The following AP1G1 variants were observed in gnomAD, a reference collection of about 807,000 sequenced individuals.
AP1G1 encodes the protein adaptor related protein complex 1 subunit gamma 1.
Under a neutral mutation model 108.3 loss-of-function variants are expected in AP1G1, and 7 were observed. That is an observed-to-expected ratio of 0.06 (90% CI 0.04 to 0.12). The LOEUF (loss-of-function observed/expected upper bound fraction) is 0.12. Ranked by LOEUF, AP1G1 falls within the 10% of genes least tolerant of loss-of-function variation. The pLI is 1.00. For missense variants in AP1G1, 756 were observed against 1,010.7 expected, an observed-to-expected ratio of 0.75 and a Z score of 3.42; for synonymous variants, 379 against 353.5, an observed-to-expected ratio of 1.07 and a Z score of -0.81.
chr16:71,741,655 C>T (rs1245814725), intron 19 of AP1G1, among the ~76,000 whole-genome samples: 2 of 152,008 alleles, frequency 1.3e-5, no homozygotes, highest in South Asian at 2.1e-4. Flanking sequence ...TAAGCAAGCA[C>T]GAGAAGCTAA....
rs138401541 is a variant in AP1G1 at position 71,758,576 on chromosome 16, A to G, written c.1088+232T>C. 1.8e-4 allele frequency: 108 copies of G among 607,090 alleles called. No homozygotes were observed. In the East Asian group the frequency reaches 3.3e-3, roughly 19 times the overall value. The allele number at this position is 607,090 out of a possible 1,614,324, so 37.6% of individuals were successfully genotyped here. ...AGAGCCAAGGACAACTTCAGTGTGCACTTAAGTATTCTTATTGGCCTCCTT... is the reference window on the plus strand; with the variant it reads ...AGAGCCAAGGACAACTTCAGTGTGCGCTTAAGTATTCTTATTGGCCTCCTT... On this transcript the variant is annotated intron_variant, in intron 11 of 22. Coordinates refer to ENST00000299980, the MANE Select transcript of AP1G1 (RefSeq NM_001128.6).
At chr16:71,745,766 T>C (rs2030140648) in intron 17 of AP1G1, 152 bp from the exon 18 acceptor site, 9 of 725,390 alleles carry the variant, frequency 1.2e-5, no homozygotes, top group Non-Finnish European at 2.1e-5. Context: ...ATTACAAGAA[T>C]ACATGACCTA....
intron 21 of AP1G1, among the ~76,000 whole-genome samples, chr16:71,737,855 C>A (rs1305473015): frequency 6.6e-6 from 1 of 152,256 alleles, no homozygotes; most frequent in African/African-American, 2.4e-5. Context: ...CGCCCAACAT[C>A]TGATTTTGCA....
chr16:71,762,555 A>G (rs1298579254), intron 9 of AP1G1, among the ~76,000 whole-genome samples: 1 of 152,152 alleles, frequency 6.6e-6, no homozygotes, highest in Non-Finnish European at 1.5e-5. Flanking sequence ...CCGATGATTT[A>G]ATCAATCATG....
intron 9 of AP1G1, 55 bp downstream of exon 9, chr16:71,764,295 C>T: frequency 1.9e-6 from 2 of 1,077,716 alleles, no homozygotes; most frequent in Middle Eastern, 5.1e-4. Context: ...AAGTCCAAGT[C>T]AACCATTCTA....
chr16:71,786,758 C>T (rs2032218892), intron 2 of AP1G1, among the ~76,000 whole-genome samples: 1 of 152,036 alleles, frequency 6.6e-6, no homozygotes, highest in African/African-American at 2.4e-5. Flanking sequence ...CGCACCCAGC[C>T]CAAATTTTTT....
At chr16:71,739,190 T>C (rs781081138) in intron 20 of AP1G1, 44 bp downstream of exon 20, 2 of 1,608,018 alleles carry the variant, frequency 1.2e-6, no homozygotes, top group South Asian at 2.2e-5. Flanking sequence ...CCACATCTCA[T>C]TACTCAGTGC....
intron 16 of AP1G1, 125 bp from the exon 17 acceptor site, chr16:71,746,817 TA>T (rs1391904131): frequency 6.1e-6 from 4 of 658,016 alleles, no homozygotes; most frequent in Non-Finnish European, 1.0e-5. Flanking sequence ...TCTTAATTTA[TA>T]TAGTTTTTCA....
chr16:71,737,477 G>A (rs1391878715), intron 21 of AP1G1, among the ~76,000 whole-genome samples: 2 of 152,102 alleles, frequency 1.3e-5, no homozygotes, highest in Non-Finnish European at 2.9e-5. Flanking sequence ...TAAAGATGGT[G>A]TTTCACCATG....
chr16:71,741,061 A>G (rs1345462261), intron 19 of AP1G1, among the ~76,000 whole-genome samples: 2 of 152,236 alleles, frequency 1.3e-5, no homozygotes, highest in African/African-American at 4.8e-5. Flanking sequence ...TAATTCATAG[A>G]ACATGAGGGA....
rs2030495575 is a variant in AP1G1 at position 71,751,421 on chromosome 16, GTAAGAC to G, written c.1285-1095_1285-1090del. On this transcript the variant is annotated intron_variant, in intron 13 of 22. Transcript: ENST00000299980. ...CTAAATAGAACAATAGATTTAATTTGTAAGACTGAGACCAGTCCTAACCATGTGTAT... is the reference window on the plus strand; with the variant it reads ...CTAAATAGAACAATAGATTTAATTTGTGAGACCAGTCCTAACCATGTGTAT... 2.1e-5 allele frequency: 3 copies of G among 146,038 alleles called. No homozygotes were observed. The Admixed American group carries it at 2.1e-4, about 10-fold the overall frequency. The allele number at this position is 146,038 out of a possible 1,614,324, so 9.0% of individuals were successfully genotyped here.
At chr16:71,774,713 A>G in intron 2 of AP1G1, 121 bp from the exon 3 acceptor site, 1 of 1,070,680 alleles carries the variant, frequency 9.3e-7, no homozygotes, top group Non-Finnish European at 1.3e-6. Context: ...GTTTCATCAA[A>G]CTACCTAAAT....
chr16:71,750,245 G>T lies in AP1G1; in HGVS notation c.1372C>A (p.Arg458Ser). The change falls in exon 14 of 23, where the codon CGC (arginine) becomes AGC (serine). Residue 458 changes from arginine to serine, a missense_variant. By Grantham distance (110) the Arg-to-Ser change is moderately radical. This residue lies in a region of AP1G1 where 357 missense variants were observed against 366.5 expected (regional missense o/e 0.97). Coordinates refer to ENST00000299980, the MANE Select transcript of AP1G1 (RefSeq NM_001128.6). ...TCACCAAGAATTGCTTTGTACAGGC[G>T]CTGGACAGTATAGGCATGCATCTCC... is the stretch of plus-strand genomic sequence containing the variant. ...SVEMHAYTVQ[R>S]LYKAILGDYS... 2.5e-6 allele frequency: 4 copies of T among 1,613,956 alleles called. No homozygotes were observed. Among genetic ancestry groups the T allele is most frequent in the Non-Finnish European group, 3.4e-6 (4 of 1,179,954 alleles).
chr16:71,736,098 CAAAAAA>C (rs1213680207), intron 21 of AP1G1, among the ~76,000 whole-genome samples: 328 of 25,394 alleles, frequency 0.013, 5 homozygotes, highest in South Asian at 0.016. Flanking sequence ...GACTCCATCT[CAAAAAA>C]AAAAAAAAAA....
chr16:71,764,742 T>C lies in AP1G1; in HGVS notation c.739-16A>G, dbSNP rs765511702. The C allele has an allele frequency of 1.3e-6, 2 of 1,558,926 alleles. No individual in the cohort carries two copies. Among genetic ancestry groups the C allele is most frequent in the Non-Finnish European group, 1.8e-6 (2 of 1,141,258 alleles). ...AAATTCGTACCTAACGTGCAAAAGA[T>C]GAGAGGTGTCAACAAATTATGTCTC... On this transcript the variant is annotated splice_polypyrimidine_tract_variant and intron_variant, in intron 7 of 22. Transcript: ENST00000299980.
intron 6 of AP1G1, among the ~76,000 whole-genome samples, chr16:71,766,095 C>T (rs548518231): frequency 1.1e-3 from 173 of 152,180 alleles, no homozygotes; most frequent in African/African-American, 3.9e-3. Context: ...GAGTTATACC[C>T]TTTTCCAACA....
chr16:71,767,382 A>G (rs1283353338), intron 6 of AP1G1, among the ~76,000 whole-genome samples: 1 of 152,252 alleles, frequency 6.6e-6, no homozygotes. Context: ...TCCTTTTAAT[A>G]TTCCAAAACT....
intron 1 of AP1G1, chr16:71,806,680 A>G: frequency 7.8e-7 from 1 of 1,285,816 alleles, no homozygotes; most frequent in Admixed American, 2.3e-5. Flanking sequence ...GCGAGGGCAT[A>G]CTTACTAAAT....
At chr16:71,761,816 CAAAAAAA>C (rs375647068) in intron 9 of AP1G1, among the ~76,000 whole-genome samples, 81 of 44,852 alleles carry the variant, frequency 1.8e-3, no homozygotes, top group African/African-American at 5.0e-3. Context: ...GACTCCATCT[CAAAAAAA>C]AAAAAAAAAA....
Sources: allele counts gnomAD v4.1 joint callset (sites outside exome capture counted in the v4.1 genomes callset), GRCh38; gene constraint gnomAD v4.1.1; regional missense constraint gnomAD v4.1.1; transcripts MANE v1.5; gene names NCBI Gene and HGNC (gene_info 2026-07-23, HGNC 2026-07-21).